The following PCDHA6 variants were observed in gnomAD, a reference collection of about 807,000 sequenced individuals.
PCDHA6 encodes the protein protocadherin alpha 6, also known as protocadherin alpha-6.
In PCDHA6, 55 loss-of-function variants were observed where a neutral mutation model predicts 60.3. The observed-to-expected ratio is 0.91, with a 90% CI of 0.73 to 1.14. The LOEUF is 1.14. PCDHA6 is among the 50% of genes most tolerant of loss of function. The pLI is 0.00. For missense variants in PCDHA6, 1,327 were observed against 1,256.5 expected, an observed-to-expected ratio of 1.06 and a Z score of -0.85; for synonymous variants, 652 against 557.9, an observed-to-expected ratio of 1.17 and a Z score of -2.38.
intron 1 of PCDHA6, chr5:140,882,808 G>A (rs1554175666): frequency 6.2e-7 from 1 of 1,614,208 alleles, no homozygotes; most frequent in Non-Finnish European, 8.5e-7. Flanking sequence ...ATTTCACTTT[G>A]GACGCACAAA....
intron 1 of PCDHA6, among the ~76,000 whole-genome samples, chr5:140,888,663 T>C (rs1278510364): frequency 6.6e-6 from 1 of 152,194 alleles, no homozygotes; most frequent in Non-Finnish European, 1.5e-5. Context: ...CACCACCTAA[T>C]GCCCTGTGCA....
rs2150153657 is a variant in PCDHA6, at chr5:140,828,287, A to G, written c.196A>G (p.Met66Val). 17 of 1,613,924 alleles carry G rather than the reference A, an allele frequency of 1.1e-5. No homozygotes were observed. The highest frequency in any genetic ancestry group is 4.5e-5 in the East Asian group (2 of 44,896). Residue 66 changes from methionine (M) to valine (V), a missense_variant, in exon 1 of 4, where the codon ATG becomes GTG. Coordinates refer to ENST00000529310, the MANE Select transcript of PCDHA6 (RefSeq NM_018909.4). ...GGAGCTGGTGCCGCGCCTGTTCAGG[A>G]TGGCCTCCAAAGACCGCGAGGACCT... is the stretch of plus-strand genomic sequence containing the variant. ...LAELVPRLFR[M>V]ASKDREDLLE...
At chr5:140,852,795 A>C in intron 1 of PCDHA6, 1 of 977,366 alleles carries the variant, frequency 1.0e-6, no homozygotes, top group African/African-American at 1.8e-5. Context: ...GATGCTACAG[A>C]TGTCATTTGT....
At chr5:140,946,826 G>A (rs1161316537) in intron 1 of PCDHA6, among the ~76,000 whole-genome samples, 1 of 151,404 alleles carries the variant, frequency 6.6e-6, no homozygotes, top group African/African-American at 2.4e-5. Context: ...TACCAGAGAT[G>A]GGTAGGGCAG....
At chr5:140,962,673 C>T (rs1409804701) in intron 1 of PCDHA6, among the ~76,000 whole-genome samples, 2 of 152,164 alleles carry the variant, frequency 1.3e-5, no homozygotes, top group African/African-American at 4.8e-5. Flanking sequence ...TTCCCATCCA[C>T]TGGATGTTTT....
At chr5:140,993,107 A>G (rs2097540621) in intron 3 of PCDHA6, among the ~76,000 whole-genome samples, 1 of 152,218 alleles carries the variant, frequency 6.6e-6, no homozygotes, top group South Asian at 2.1e-4. Context: ...TTCAGCGGTC[A>G]GTGTCACATC....
intron 1 of PCDHA6, chr5:140,870,178 C>T (rs2051730547): frequency 2.5e-6 from 4 of 1,614,094 alleles, no homozygotes; most frequent in East Asian, 2.2e-5. Context: ...CCTCCCAGTA[C>T]GAGAGGACGC....
intron 1 of PCDHA6, chr5:140,834,744 G>A (rs1554134479): frequency 2.5e-6 from 4 of 1,614,214 alleles, no homozygotes; most frequent in Non-Finnish European, 3.4e-6. Flanking sequence ...CCATGTGGAC[G>A]TGGAGGTGAA....
At chr5:140,929,410 C>G (rs2086136493) in intron 1 of PCDHA6, 1 of 1,505,808 alleles carries the variant, frequency 6.6e-7, no homozygotes, top group Non-Finnish European at 8.9e-7. Context: ...ACAAGCCTTT[C>G]ACAACATTTC....
At chr5:140,874,633 C>T (rs1399730965) in intron 1 of PCDHA6, among the ~76,000 whole-genome samples, 3 of 152,208 alleles carry the variant, frequency 2.0e-5, no homozygotes, top group African/African-American at 7.2e-5. Flanking sequence ...CATTAAAGTG[C>T]TTTACTTTTG....
At chr5:140,957,473 GA>G (rs1446179332) in intron 1 of PCDHA6, among the ~76,000 whole-genome samples, 1 of 151,954 alleles carries the variant, frequency 6.6e-6, no homozygotes, top group Non-Finnish European at 1.5e-5. Context: ...GTATGTATAG[GA>G]AAAAACATAG....
At chr5:140,842,084 G>T in intron 1 of PCDHA6, 1 of 1,613,876 alleles carries the variant, frequency 6.2e-7, no homozygotes, top group South Asian at 1.1e-5. Flanking sequence ...ATTCGAAAAC[G>T]CAGACAACGG....
intron 1 of PCDHA6, among the ~76,000 whole-genome samples, chr5:140,897,980 A>C (rs1313292712): frequency 6.6e-6 from 1 of 152,206 alleles, no homozygotes. Context: ...GGCTGCATAA[A>C]TGTCTTCTTT....
chr5:140,877,101 G>A lies in PCDHA6; in HGVS notation c.2394+46616G>A, dbSNP rs375706181. ...TGAGCGCGCGCGACGCCGGCGTGCCGCCTCTGGGCAGCAACGTGACGCTGC... is the reference window on the plus strand; with the variant it reads ...TGAGCGCGCGCGACGCCGGCGTGCCACCTCTGGGCAGCAACGTGACGCTGC... On this transcript the variant is annotated intron_variant, in intron 1 of 3. Transcript: ENST00000529310. 3.3e-5 allele frequency: 53 copies of A among 1,613,354 alleles called. 1 individual carries two copies. The highest frequency in any genetic ancestry group is 4.1e-5 in the Non-Finnish European group (48 of 1,179,850).
rs782776948 is a variant in PCDHA6 at position 141,009,898 on chromosome 5, A to T, written c.2814A>T (p.Lys938Asn). The T allele has an allele frequency of 5.6e-6, 9 of 1,613,182 alleles. No individual in the cohort carries two copies. Among genetic ancestry groups the T allele is most frequent in the Admixed American group, 1.7e-5 (1 of 59,722 alleles). The change falls in exon 4 of 4, where the codon AAA (lysine) becomes AAT (asparagine). Residue 938 changes from lysine (K) to asparagine (N), a missense_variant. Physicochemically the swap from Lys to Asn is moderately conservative, Grantham distance 94 (BLOSUM62 0). Transcript: ENST00000529310. ...AGGGTAACAAGACCCAGGAGAAAAA[A>T]GAGAAAGGGAACAGCACGACTGACA... ...KKKGNKTQEK[K>N]EKGNSTTDNS...
chr5:140,862,637 TCA>T (rs1396343286), intron 1 of PCDHA6: 1 of 539,612 alleles, frequency 1.9e-6, no homozygotes, highest in Admixed American at 1.9e-5. Flanking sequence ...TGCCACGACT[TCA>T]CAGTGTCCGC....
In PCDHA6 at chr5:140,829,882, T is replaced by G. The variant is rs2150176879; in HGVS notation, c.1791T>G (p.Val597=). ...AAGTGGTGGCGAAGGTGCGCGCAGT[T>G]GACGCCGACTCAGGCTACAACGCGT... ...AGQVVAKVRA[V]DADSGYNAWL... The change falls in exon 1 of 4, where the codon GTT becomes GTG. Residue 597 remains valine (V), a synonymous_variant. Transcript: ENST00000529310. 0.54 allele frequency: 871,135 copies of G among 1,613,724 alleles called. 237,229 individuals are homozygous for G. Among genetic ancestry groups the G allele is most frequent in the African/African-American group, 0.72 (54,318 of 75,008 alleles).
chr5:140,888,606 G>A (rs2061900283), intron 1 of PCDHA6, among the ~76,000 whole-genome samples: 2 of 152,180 alleles, frequency 1.3e-5, no homozygotes, highest in African/African-American at 4.8e-5. Context: ...GCAGCTTTTA[G>A]TGTAGCACTA....
chr5:140,996,976 G>T (rs573896136), intron 3 of PCDHA6, among the ~76,000 whole-genome samples: 1 of 151,960 alleles, frequency 6.6e-6, no homozygotes, highest in Non-Finnish European at 1.5e-5. Context: ...CTCCCCTTTG[G>T]TGAAGCAACC....
Sources: allele counts gnomAD v4.1 joint callset (sites outside exome capture counted in the v4.1 genomes callset), GRCh38; gene constraint gnomAD v4.1.1; transcripts MANE v1.5; gene names NCBI Gene and HGNC (gene_info 2026-07-23, HGNC 2026-07-21).